The following PTPRF variants were observed in gnomAD, a reference collection of about 807,000 sequenced individuals.
The protein encoded by PTPRF is protein tyrosine phosphatase receptor type F, also known as receptor-type tyrosine-protein phosphatase F.
A neutral mutation model predicts 201.8 loss-of-function variants in PTPRF; 59 were observed. The ratio of observed to expected loss-of-function variants is 0.29; its 90% CI spans 0.24 to 0.36. The LOEUF (loss-of-function observed/expected upper bound fraction) is 0.36. Among genes scored for constraint, PTPRF ranks in the 10% least tolerant of loss-of-function variants. PTPRF has a pLI of 1.00. For synonymous variants in PTPRF, 1,088 were observed against 1,089.7 expected (o/e 1.00, Z 0.03); for missense variants, 2,132 against 2,690.5 (o/e 0.79, Z 4.59).
At chr1:43,569,550 C>T (rs748749206) in intron 5 of PTPRF, 40 bp from the exon 6 acceptor site, 7 of 1,543,768 alleles carry the variant, frequency 4.5e-6, no homozygotes, top group Non-Finnish European at 6.1e-6. Flanking sequence ...AGGGGGCAGG[C>T]AGAGCCAGCC....
At position 43,622,875 on chromosome 1, in the gene PTPRF, AC is replaced by A. The variant is rs1403895166; in HGVS notation, c.*873del. On this transcript the variant is annotated 3_prime_UTR_variant, in exon 34 of 34. Coordinates refer to ENST00000359947, the MANE Select transcript of PTPRF (RefSeq NM_002840.5). Reference sequence around the variant, plus strand: ...AAACAAAAAACCACAAAAATAAAAAACAAAAAAAACAAAAAACCCAAGAAAA... The same window carrying A: ...AAACAAAAAACCACAAAAATAAAAAAAAAAAAAACAAAAAACCCAAGAAAA... The A allele has an allele frequency of 1.3e-5, 2 of 152,500 alleles. No homozygotes were observed. The highest frequency in any genetic ancestry group is 2.9e-5 in the Non-Finnish European group (2 of 68,048). 9.4% of individuals were successfully genotyped at this position (152,500 alleles called of 1,614,324 possible).
chr1:43,606,991 C>G (rs773524632), intron 21 of PTPRF, 23 bp downstream of exon 21: 5 of 1,610,004 alleles, frequency 3.1e-6, no homozygotes, highest in Non-Finnish European at 8.5e-7. Context: ...CTCAGAGCTC[C>G]GGGAACGGCC....
At chr1:43,606,141 C>G in intron 19 of PTPRF, 99 bp from the exon 20 acceptor site, 1 of 1,352,426 alleles carries the variant, frequency 7.4e-7, no homozygotes, top group Non-Finnish European at 1.0e-6. Context: ...GAAGGTGAGC[C>G]TTGATCTCGG....
upstream of PTPRF, among the ~76,000 whole-genome samples, chr1:43,524,802 A>G (rs957035649): frequency 6.6e-6 from 1 of 152,158 alleles, no homozygotes; most frequent in African/African-American, 2.4e-5. Context: ...AATCCTCTCT[A>G]TAAAGATGTG....
In PTPRF at chr1:43,532,510, G is replaced by T. The variant is rs150720850; in HGVS notation, c.-126+1420G>T. On this transcript the variant is annotated intron_variant, in intron 1 of 33. Transcript: ENST00000359947. Reference sequence around the variant, plus strand: ...GATCTGGCCTGAGAAGCAGGGAAGTGCACTGGGGTGAGAGGCGTAGAAAAG... The same window carrying T: ...GATCTGGCCTGAGAAGCAGGGAAGTTCACTGGGGTGAGAGGCGTAGAAAAG... The T allele has an allele frequency of 9.7e-3, 1,536 of 158,154 alleles. 26 individuals are homozygous for T. Among genetic ancestry groups the T allele is most frequent in the African/African-American group, 0.034 (1,437 of 41,840 alleles). The allele number at this position is 158,154 out of a possible 1,614,324, so 9.8% of individuals were successfully genotyped here. A position where few individuals can be genotyped will look rare whatever the true frequency, so the allele number is the denominator to read the frequency against.
chr1:43,557,377 T>C (rs1202163689), intron 5 of PTPRF, among the ~76,000 whole-genome samples: 5 of 152,202 alleles, frequency 3.3e-5, no homozygotes, highest in Non-Finnish European at 7.3e-5. Flanking sequence ...CTCACGCCTG[T>C]AATCCCAGCA....
chr1:43,601,028 T>G (rs549088997), intron 13 of PTPRF, among the ~76,000 whole-genome samples: 1 of 152,328 alleles, frequency 6.6e-6, no homozygotes, highest in Admixed American at 6.5e-5. Context: ...AAAGTGGCCA[T>G]GCACTAAGGA....
upstream of PTPRF, among the ~76,000 whole-genome samples, chr1:43,526,285 G>A (rs913874151): frequency 4.6e-4 from 70 of 152,148 alleles, no homozygotes; most frequent in African/African-American, 1.5e-3. Flanking sequence ...TGACTCAGCC[G>A]GAAGAAATGA....
In PTPRF at chr1:43,619,307, G is replaced by A. The variant is rs745698006; in HGVS notation, c.4666G>A (p.Gly1556Ser). 9 of 1,613,372 alleles carry A rather than the reference G, an allele frequency of 5.6e-6. No individual in the cohort carries two copies. Among genetic ancestry groups the A allele is most frequent in the South Asian group, 1.1e-5 (1 of 91,080 alleles). The change falls in exon 28 of 34, where the codon GGC (glycine) becomes AGC (serine). Residue 1556 changes from glycine (G) to serine (S), a missense_variant. By Grantham distance (56) the Gly-to-Ser change is moderately conservative. Coordinates refer to ENST00000359947, the MANE Select transcript of PTPRF (RefSeq NM_002840.5). ...CTGCAGCGCGGGCGTGGGCCGCACC[G>A]GCTGCTTCATCGTGATTGATGCCAT... Reference protein sequence around the residue: ...VHCSAGVGRTGCFIVIDAMLE... With the variant: ...VHCSAGVGRTSCFIVIDAMLE...
chr1:43,550,497 G>A (rs1460822438), intron 3 of PTPRF, among the ~76,000 whole-genome samples: 3 of 152,306 alleles, frequency 2.0e-5, no homozygotes, highest in South Asian at 4.1e-4. Flanking sequence ...CAGGGGCCGC[G>A]GTCCTCATCC....
intron 7 of PTPRF, among the ~76,000 whole-genome samples, chr1:43,585,322 T>C (rs191596748): frequency 1.3e-5 from 2 of 152,250 alleles, no homozygotes; most frequent in Non-Finnish European, 2.9e-5. Context: ...CTGTTGGCAC[T>C]TGGAATACAA....
chr1:43,530,749 T>A (rs3001722), upstream of PTPRF: 1,860 of 152,986 alleles, frequency 0.012, 21 homozygotes, highest in Non-Finnish European at 0.018. The surrounding 1 kb of genome is among the most constrained non-coding windows in gnomAD (Gnocchi z 4.1). Context: ...GTGGCCTGTC[T>A]GGGCCTCAGC....
chr1:43,609,185 C>T lies in PTPRF; in HGVS notation c.3858-198C>T, dbSNP rs1019813192. The stretch of plus-strand genomic sequence containing the variant: ...TCACGCCACACTCCTGCTCTCCCTA[C>T]CCCCTCCCTGCCCTGTGTTCTCTCA... On this transcript the variant is annotated intron_variant, in intron 21 of 33. Transcript: ENST00000359947. Among the ~76,000 whole-genome samples the T allele has an allele frequency of 2.0e-5, 3 of 152,168 alleles. No individual in the cohort carries two copies. In the South Asian group the frequency reaches 6.2e-4, roughly 31 times the overall value.
At position 43,568,572 on chromosome 1, in the gene PTPRF, AG is replaced by A. The variant is rs540179515; in HGVS notation, c.380-1017del. 9.7e-4 allele frequency among the ~76,000 whole-genome samples: 148 copies of A among 152,348 alleles called. 1 individual carries two copies. The highest frequency in any genetic ancestry group is 2.7e-3 in the African/African-American group (112 of 41,586). On this transcript the variant is annotated intron_variant, in intron 5 of 33. Coordinates refer to ENST00000359947, the MANE Select transcript of PTPRF (RefSeq NM_002840.5). ...CCCTGTGTACAGATAAAGGAGACAA[AG>A]AATGAGTAACATGCCAGGCCCTAAA...
intron 11 of PTPRF, among the ~76,000 whole-genome samples, chr1:43,593,343 T>C (rs572588746): frequency 6.6e-6 from 1 of 152,258 alleles, no homozygotes; most frequent in South Asian, 2.1e-4. Flanking sequence ...GCATGACCCT[T>C]GTCTTTGTGG....
At position 43,567,559 on chromosome 1, in the gene PTPRF, G is replaced by A. The variant is rs542870522; in HGVS notation, c.380-2031G>A. On this transcript the variant is annotated intron_variant, in intron 5 of 33. Transcript: ENST00000359947. ...AGCCTGAGACCTCTGCTCCTCATGGGCCACAGTCCCTTTGGGATGTCCCTG... is the reference window on the plus strand; with the variant it reads ...AGCCTGAGACCTCTGCTCCTCATGGACCACAGTCCCTTTGGGATGTCCCTG... Among the ~76,000 whole-genome samples, 5 of 152,290 alleles carry A rather than the reference G, an allele frequency of 3.3e-5. No individual in the cohort carries two copies. The East Asian group carries it at 9.7e-4, about 29-fold the overall frequency.
rs1054112376 is a variant in PTPRF, at chr1:43,578,670, A to C, written c.569-140A>C. On this transcript the variant is annotated intron_variant, in intron 6 of 33. Coordinates refer to ENST00000359947, the MANE Select transcript of PTPRF (RefSeq NM_002840.5). ...TCTTCAGGGAGAGCTTCCTGGAAGC[A>C]GCAGGGGTGCCAGGGTGTGGCCTGG... 4.6e-6 allele frequency: 3 copies of C among 648,780 alleles called. No homozygotes were observed. In the African/African-American group the frequency reaches 5.5e-5, roughly 12 times the overall value. The allele number at this position is 648,780 out of a possible 1,614,324, so 40.2% of individuals were successfully genotyped here.
At chr1:43,620,732 A>G in intron 31 of PTPRF, 106 bp from the exon 32 acceptor site, 7 of 1,521,316 alleles carry the variant, frequency 4.6e-6, no homozygotes, top group Non-Finnish European at 5.4e-6. Context: ...CCTCGGGTGC[A>G]GTGACACAGA....
At chr1:43,620,398 C>T in intron 30 of PTPRF, 56 bp from the exon 31 acceptor site, 1 of 1,552,248 alleles carries the variant, frequency 6.4e-7, no homozygotes. Context: ...TGAAGCCTGG[C>T]ACCCCTCCCC....
Sources: allele counts gnomAD v4.1 joint callset (sites outside exome capture counted in the v4.1 genomes callset), GRCh38; gene constraint gnomAD v4.1.1; non-coding constraint Gnocchi (gnomAD v3.1); transcripts MANE v1.5; gene names NCBI Gene and HGNC (gene_info 2026-07-23, HGNC 2026-07-21).